The following SH3BP5 variants were observed in gnomAD, a reference collection of about 807,000 sequenced individuals.
SH3BP5 encodes SH3 domain-binding protein 5.
Under a neutral mutation model 43.3 loss-of-function variants are expected in SH3BP5, and 22 were observed. The ratio of observed to expected loss-of-function variants is 0.51; its 90% CI spans 0.36 to 0.73. The LOEUF (loss-of-function observed/expected upper bound fraction) is 0.73. Among genes scored for constraint, SH3BP5 ranks in the 30% least tolerant of loss-of-function variants. The pLI is 0.00. For synonymous variants in SH3BP5, 255 were observed against 225.8 expected (o/e 1.13, Z -1.16); for missense variants, 529 against 586.9 (o/e 0.90, Z 1.02).
intron 3 of SH3BP5, among the ~76,000 whole-genome samples, chr3:15,278,801 T>C (rs1331085770): frequency 6.6e-6 from 1 of 152,236 alleles, no homozygotes; most frequent in Non-Finnish European, 1.5e-5. Context: ...CCATATCAAA[T>C]TTTACTAAAT....
intron 4 of SH3BP5, among the ~76,000 whole-genome samples, chr3:15,267,852 A>G (rs1056984304): frequency 6.6e-6 from 1 of 152,222 alleles, no homozygotes; most frequent in Non-Finnish European, 1.5e-5. Context: ...TGGTTTGTTT[A>G]TCTTTAAACA....
chr3:15,331,845 C>G (rs1334276448), intron 1 of SH3BP5: 2 of 171,768 alleles, frequency 1.2e-5, no homozygotes, highest in Non-Finnish European at 2.5e-5. Context: ...AGGGCAACGC[C>G]CACCCGCCCA....
In SH3BP5 at chr3:15,259,785, C is replaced by G; in HGVS notation, c.645G>C (p.Lys215Asn). Residue 215 changes from lysine to asparagine, a missense_variant, in exon 6 of 9, where the codon AAG becomes AAC. By Grantham distance (94) the Lys-to-Asn change is moderately conservative (BLOSUM62 0). Around this residue, in one of 3 missense-constraint regions of SH3BP5, gnomAD observed 369 missense variants for 384.3 expected, o/e 0.96. Coordinates refer to ENST00000383791, the MANE Select transcript of SH3BP5 (RefSeq NM_004844.5). ...CCTCGAGCTGCACATAGTACTTTGCCTTGAGTTCAAAATAAGGCCTGCAGA... is the reference window on the plus strand; with the variant it reads ...CCTCGAGCTGCACATAGTACTTTGCGTTGAGTTCAAAATAAGGCCTGCAGA... ...INKSKPYFEL[K>N]AKYYVQLEQL... 1 of 1,614,104 alleles carries G rather than the reference C, an allele frequency of 6.2e-7. No individual in the cohort carries two copies. Among genetic ancestry groups the G allele is most frequent in the Non-Finnish European group, 8.5e-7 (1 of 1,179,998 alleles).
At chr3:15,271,344 C>T (rs1039034908) in intron 3 of SH3BP5, among the ~76,000 whole-genome samples, 52 of 152,112 alleles carry the variant, frequency 3.4e-4, no homozygotes, top group African/African-American at 1.1e-3. Flanking sequence ...ACCTGGGTAA[C>T]ACAATGAGCC....
chr3:15,319,118 C>T (rs1698256647), intron 2 of SH3BP5, among the ~76,000 whole-genome samples: 1 of 152,198 alleles, frequency 6.6e-6, no homozygotes, highest in Non-Finnish European at 1.5e-5. Flanking sequence ...GTACCTCTGG[C>T]TCTAGGCTCC....
intron 3 of SH3BP5, among the ~76,000 whole-genome samples, chr3:15,290,834 A>G (rs1697393397): frequency 6.6e-6 from 1 of 152,224 alleles, no homozygotes; most frequent in South Asian, 2.1e-4. Context: ...CATGCCCATG[A>G]AAGTTTTAAA....
intron 4 of SH3BP5, among the ~76,000 whole-genome samples, chr3:15,268,761 C>T (rs913156998): frequency 7.2e-5 from 11 of 152,204 alleles, no homozygotes; most frequent in African/African-American, 2.4e-4. Context: ...TATGTTGAAA[C>T]TGATCCCCAG....
upstream of SH3BP5, among the ~76,000 whole-genome samples, chr3:15,333,751 G>A (rs1324119619): frequency 3.9e-5 from 6 of 152,190 alleles, no homozygotes; most frequent in African/African-American, 1.4e-4. Flanking sequence ...ACTGTCAAAG[G>A]AAATTTGTCC....
chr3:15,259,517 A>C (rs1033749902), intron 6 of SH3BP5: 1 of 597,010 alleles, frequency 1.7e-6, no homozygotes. Context: ...TGCTGGTCCT[A>C]AGAGCATGCT....
Position 15,259,763 on chromosome 3 carries a change from C to T in SH3BP5, c.667G>A (p.Glu223Lys), listed in dbSNP as rs751184125. The stretch of plus-strand genomic sequence containing the variant: ...ACGAAGCCCAAAGCTACACATACCT[C>T]GAGCTGCACATAGTACTTTGCCTTG... ...ELKAKYYVQL[E>K]QLKKTVDDLQ... The change falls in exon 6 of 9, where the codon GAG becomes AAG. Residue 223 changes from glutamate (E) to lysine (K), a missense_variant and splice_region_variant. Physicochemically the swap from Glu to Lys is moderately conservative, Grantham distance 56 (BLOSUM62 1). Coordinates refer to ENST00000383791, the MANE Select transcript of SH3BP5 (RefSeq NM_004844.5). 1.3e-5 allele frequency: 21 copies of T among 1,613,924 alleles called. No homozygotes were observed. The highest frequency in any genetic ancestry group is 1.8e-5 in the Non-Finnish European group (21 of 1,179,942).
At chr3:15,331,778 G>C (rs550671867) in intron 1 of SH3BP5, 2 of 154,270 alleles carry the variant, frequency 1.3e-5, no homozygotes, top group East Asian at 1.9e-4. Context: ...GGCTCAGGCC[G>C]GGCACCTTGG....
rs151206730 is a variant in SH3BP5 at position 15,315,442 on chromosome 3, C to G, written c.202-11211G>C. On this transcript the variant is annotated intron_variant, in intron 2 of 8. Transcript: ENST00000383791. ...TTTTAGGCCACATCCTATTTCTTCA[C>G]TCCAACCCTTTCCAAGGCATCACAC... 9.8e-4 allele frequency among the ~76,000 whole-genome samples: 150 copies of G among 152,340 alleles called. No homozygotes were observed. In the East Asian group the frequency reaches 0.028, roughly 28 times the overall value.
chr3:15,302,834 A>C (rs1184173308), intron 3 of SH3BP5, among the ~76,000 whole-genome samples: 1 of 149,734 alleles, frequency 6.7e-6, no homozygotes, highest in Non-Finnish European at 1.5e-5. Flanking sequence ...TCTGAGACAC[A>C]TTTGTGCTCT....
chr3:15,276,297 G>A (rs1696965153), intron 3 of SH3BP5, among the ~76,000 whole-genome samples: 2 of 152,144 alleles, frequency 1.3e-5, no homozygotes, highest in Non-Finnish European at 2.9e-5. Flanking sequence ...ACAGGAGGGA[G>A]TTTACAGACC....
chr3:15,307,776 C>T (rs993513134), intron 2 of SH3BP5, among the ~76,000 whole-genome samples: 3 of 152,272 alleles, frequency 2.0e-5, no homozygotes, highest in South Asian at 2.1e-4. Context: ...CGCATCCTCA[C>T]GGTCACCTCC....
chr3:15,320,267 GTTTC>G (rs376895621), intron 2 of SH3BP5, among the ~76,000 whole-genome samples: 134 of 152,162 alleles, frequency 8.8e-4, no homozygotes, highest in African/African-American at 3.0e-3. Flanking sequence ...CCTGATAGCA[GTTTC>G]TTTCTGTTAG....
intron 3 of SH3BP5, chr3:15,271,799 T>C (rs576710344): frequency 1.3e-5 from 2 of 152,348 alleles, no homozygotes; most frequent in African/African-American, 4.8e-5. Flanking sequence ...GGACAGTAGA[T>C]ACCTTTACCC....
At chr3:15,273,099 T>G in intron 3 of SH3BP5, 2 of 983,218 alleles carry the variant, frequency 2.0e-6, no homozygotes, top group Non-Finnish European at 2.4e-6. Context: ...CCCCTACCCA[T>G]AGGTGGCCTC....
At chr3:15,256,404 G>T in intron 8 of SH3BP5, 101 bp from the exon 9 acceptor site, 1 of 1,309,038 alleles carries the variant, frequency 7.6e-7, no homozygotes, top group Admixed American at 1.9e-5. Flanking sequence ...ACAATTCTAA[G>T]TCACTTGAGC....
Sources: allele counts gnomAD v4.1 joint callset (sites outside exome capture counted in the v4.1 genomes callset), GRCh38; gene constraint gnomAD v4.1.1; regional missense constraint gnomAD v4.1.1; transcripts MANE v1.5; gene names NCBI Gene and HGNC (gene_info 2026-07-23, HGNC 2026-07-21).